UTS2B: variants seen among roughly 807,000 people sequenced by gnomAD.
The protein encoded by UTS2B is urotensin 2B, also known as urotensin-2B.
In UTS2B, 21 loss-of-function variants were observed where a neutral mutation model predicts 19.2. The observed-to-expected ratio is 1.09, with a 90% CI of 0.78 to 1.58. The LOEUF (loss-of-function observed/expected upper bound fraction) is 1.58, where lower values mean the gene tolerates loss of function less well. Ranked by LOEUF, UTS2B falls within the 40% of genes most tolerant of loss-of-function variation. The pLI is 0.00. For missense variants in UTS2B, 138 were observed against 130.3 expected, an observed-to-expected ratio of 1.06 and a Z score of -0.29; for synonymous variants, 57 against 50.2, an observed-to-expected ratio of 1.14 and a Z score of -0.58.
chr3:191,322,149 C>CT (rs1055748309), intron 2 of UTS2B, among the ~76,000 whole-genome samples: 2 of 151,940 alleles, frequency 1.3e-5, no homozygotes, highest in African/African-American at 2.4e-5. Context: ...GTCAGATGTA[C>CT]TTTTTTTGTA....
chr3:191,278,013 C>T (rs916621558), intron 6 of UTS2B, 59 bp downstream of exon 6: 1 of 888,820 alleles, frequency 1.1e-6, no homozygotes, highest in East Asian at 3.0e-5. Context: ...AAGCAAGTCT[C>T]AAGACAAAAT....
At chr3:191,331,646 C>A (rs577149775), upstream of UTS2B, among the ~76,000 whole-genome samples, 147 of 152,170 alleles carry the variant, frequency 9.7e-4, no homozygotes, top group African/African-American at 3.3e-3. Flanking sequence ...TTTTCTAGTT[C>A]CAAGATCATC....
At chr3:191,287,492 G>T (rs531653943) in intron 4 of UTS2B, among the ~76,000 whole-genome samples, 1 of 151,880 alleles carries the variant, frequency 6.6e-6, no homozygotes, top group African/African-American at 2.4e-5. Context: ...ATCGAACGAA[G>T]AACAAAACTA....
chr3:191,319,641 C>T (rs1576935943), intron 2 of UTS2B, among the ~76,000 whole-genome samples: 1 of 150,270 alleles, frequency 6.7e-6, no homozygotes, highest in Middle Eastern at 3.4e-3. Context: ...GGGTGGATCA[C>T]GAGGTCAGGA....
intron 3 of UTS2B, among the ~76,000 whole-genome samples, chr3:191,312,653 G>T (rs767183894): frequency 1.3e-5 from 2 of 152,086 alleles, no homozygotes; most frequent in African/African-American, 4.8e-5. Flanking sequence ...TTTAATAATC[G>T]TGATTCATTA....
intron 3 of UTS2B, among the ~76,000 whole-genome samples, chr3:191,309,544 A>G (rs1183818519): frequency 1.3e-5 from 2 of 152,070 alleles, no homozygotes; most frequent in African/African-American, 2.4e-5. Context: ...GCCTTGGAAG[A>G]CTGATATGGT....
chr3:191,270,437 A>G (rs565557942), intron 8 of UTS2B, among the ~76,000 whole-genome samples: 4 of 152,324 alleles, frequency 2.6e-5, no homozygotes, highest in African/African-American at 9.6e-5. Context: ...GGCACAAGTG[A>G]TTCTCCTGCC....
At chr3:191,331,605 G>C (rs1429609979), upstream of UTS2B, among the ~76,000 whole-genome samples, 6 of 152,156 alleles carry the variant, frequency 3.9e-5, no homozygotes, top group Admixed American at 3.9e-4. Flanking sequence ...GTCAGGAATC[G>C]ATGAGATCAC....
chr3:191,342,697 G>A, the UTS2B span, among the ~76,000 whole-genome samples: 3 of 152,178 alleles, frequency 2.0e-5, no homozygotes, highest in African/African-American at 7.2e-5. Flanking sequence ...GAGGGCTTGT[G>A]TAAGTGCCAG....
intron 4 of UTS2B, among the ~76,000 whole-genome samples, chr3:191,287,541 A>G (rs1028576143): frequency 1.3e-5 from 2 of 152,116 alleles, no homozygotes; most frequent in African/African-American, 2.4e-5. Flanking sequence ...ACATGATAAA[A>G]TGTATATGAT....
intron 4 of UTS2B, among the ~76,000 whole-genome samples, chr3:191,282,690 G>A (rs1020281243): frequency 6.6e-6 from 1 of 152,164 alleles, no homozygotes; most frequent in Non-Finnish European, 1.5e-5. Context: ...GAGCTAGGTG[G>A]TAGTCTTCCT....
chr3:191,328,885 C>G (rs1046764379), intron 1 of UTS2B, 176 bp from the exon 2 acceptor site: 1 of 152,232 alleles, frequency 6.6e-6, no homozygotes, highest in Admixed American at 6.5e-5. Flanking sequence ...TGTACACACT[C>G]TACTCCAAAC....
chr3:191,285,326 A>C (rs1012243552), intron 4 of UTS2B, among the ~76,000 whole-genome samples: 2 of 152,212 alleles, frequency 1.3e-5, no homozygotes, highest in African/African-American at 4.8e-5. Flanking sequence ...ACAAAGCAAA[A>C]ACCTATGGTA....
chr3:191,317,674 G>A (rs1717502971), intron 2 of UTS2B, among the ~76,000 whole-genome samples: 1 of 152,146 alleles, frequency 6.6e-6, no homozygotes, highest in South Asian at 2.1e-4. Context: ...TGCCTCCCTG[G>A]TTAATGCGAT....
At position 191,275,292 on chromosome 3, in the gene UTS2B, A is replaced by G. The variant is rs1408664482; in HGVS notation, c.294T>C (p.Tyr98=). ...GAGAAGAGAATAGACCATCTACAGC[A>G]TAGGACGTCTCAGAATCCTTCTCCT... The part of the protein sequence containing the change: ...LVEEKDSETS[Y]AVDGLFSSHP... The change falls in exon 8 of 9, where the codon TAT becomes TAC. Residue 98 remains tyrosine (Y), a synonymous_variant. Coordinates refer to ENST00000340524, the MANE Select transcript of UTS2B (RefSeq NM_198152.5). 3.1e-6 allele frequency: 5 copies of G among 1,613,878 alleles called. No homozygotes were observed. In the African/African-American group the frequency reaches 4.0e-5, roughly 13 times the overall value.
chr3:191,270,398 A>G (rs1264812779), intron 8 of UTS2B, among the ~76,000 whole-genome samples: 1 of 152,070 alleles, frequency 6.6e-6, no homozygotes, highest in Admixed American at 6.5e-5. Flanking sequence ...CAGCCTCCCT[A>G]TATTGGCCAG....
rs541426438 is a variant in UTS2B, at chr3:191,294,211, C to T, written c.-125+10281G>A. On this transcript the variant is annotated intron_variant, in intron 4 of 8. Coordinates refer to ENST00000340524, the MANE Select transcript of UTS2B (RefSeq NM_198152.5). ...TCAAGGATTAGACATACCGTTCTAC[C>T]CTTGTATCACATGATGGAAAATAAA... Among the ~76,000 whole-genome samples the T allele has an allele frequency of 3.3e-5, 5 of 151,946 alleles. No individual in the cohort carries two copies. In the South Asian group the frequency reaches 1.0e-3, roughly 32 times the overall value.
chr3:191,279,627 T>G (rs1363346646), intron 5 of UTS2B, among the ~76,000 whole-genome samples: 2 of 152,050 alleles, frequency 1.3e-5, no homozygotes, highest in Non-Finnish European at 2.9e-5. Flanking sequence ...TTCCTCTGCA[T>G]AGTTAAGTGA....
intron 4 of UTS2B, among the ~76,000 whole-genome samples, chr3:191,285,922 T>C (rs1160580619): frequency 6.6e-6 from 1 of 151,262 alleles, no homozygotes; most frequent in African/African-American, 2.4e-5. Flanking sequence ...AAAAAGAAAG[T>C]GAAACGATGG....
Sources: gnomAD v4.1 joint callset for allele counts (sites outside exome capture counted in the v4.1 genomes callset) on GRCh38, gnomAD v4.1.1 for gene constraint, MANE v1.5 for transcripts, NCBI Gene and HGNC (gene_info 2026-07-23, HGNC 2026-07-21) for gene names.